Variants in COL23A1 observed in about 807,000 individuals in gnomAD.
COL23A1 encodes collagen alpha-1(XXIII) chain.
COL23A1 carries 97 observed loss-of-function variants against 99.3 expected under a neutral mutation model. That is an observed-to-expected ratio of 0.98 (90% confidence interval 0.83 to 1.16). The LOEUF (loss-of-function observed/expected upper bound fraction) is 1.16. COL23A1 is among the 50% of genes most tolerant of loss of function. The pLI is 0.00. For missense variants in COL23A1, 762 were observed against 757.4 expected (o/e 1.01, Z -0.07); for synonymous variants, 320 against 308.2 (o/e 1.04, Z -0.40).
At chr5:178,330,795 C>T (rs1759977344) in intron 2 of COL23A1, among the ~76,000 whole-genome samples, 1 of 152,232 alleles carries the variant, frequency 6.6e-6, no homozygotes, top group African/African-American at 2.4e-5. Flanking sequence ...TCTTTCACCC[C>T]AGCTGCACAA....
chr5:178,471,176 G>A (rs551608715), intron 2 of COL23A1, among the ~76,000 whole-genome samples: 1 of 152,346 alleles, frequency 6.6e-6, no homozygotes, highest in East Asian at 1.9e-4. Context: ...ACAAGGGACA[G>A]TGCAGTTCCC....
intron 2 of COL23A1, among the ~76,000 whole-genome samples, chr5:178,470,377 TG>T (rs965153037): frequency 1.3e-5 from 2 of 152,128 alleles, no homozygotes; most frequent in African/African-American, 2.4e-5. Flanking sequence ...AGCAGACCCC[TG>T]GAAACCCACC....
rs1756853505 is a variant in COL23A1 at position 178,280,741 on chromosome 5, C to G, written c.441+7583G>C. On this transcript the variant is annotated intron_variant, in intron 5 of 28. Coordinates refer to ENST00000390654, the MANE Select transcript of COL23A1 (RefSeq NM_173465.4). This position sits in a 1 kb window ranked among gnomAD's most constrained non-coding sequence, Gnocchi z 4.9. Reference sequence around the variant, plus strand: ...ACAGGCAAAACAGCAAAGCGCAGGACCAACCCCCTCTGCTGGGCCCCCTAC... The same window carrying G: ...ACAGGCAAAACAGCAAAGCGCAGGAGCAACCCCCTCTGCTGGGCCCCCTAC... Among the ~76,000 whole-genome samples the G allele has an allele frequency of 6.6e-6, 1 of 152,128 alleles. No homozygotes were observed. Among genetic ancestry groups the G allele is most frequent in the African/African-American group, 2.4e-5 (1 of 41,422 alleles).
intron 2 of COL23A1, among the ~76,000 whole-genome samples, chr5:178,511,477 T>C (rs1208763415): frequency 6.6e-6 from 1 of 152,234 alleles, no homozygotes; most frequent in Non-Finnish European, 1.5e-5. Flanking sequence ...CTCTGCAGAA[T>C]GCAATGGGAT....
At chr5:178,288,420 A>G (rs1757273630) in intron 4 of COL23A1, 70 bp from the exon 5 acceptor site, 5 of 1,356,966 alleles carry the variant, frequency 3.7e-6, no homozygotes, top group Admixed American at 3.3e-5. Flanking sequence ...TTAGAGCTCA[A>G]TCAGGGCCCA....
chr5:178,510,370 T>A (rs554765410), intron 2 of COL23A1, among the ~76,000 whole-genome samples: 5 of 152,146 alleles, frequency 3.3e-5, no homozygotes, highest in Non-Finnish European at 5.9e-5. Flanking sequence ...GGTGAAACCC[T>A]GTCTCTACTA....
chr5:178,466,098 G>A (rs1305985178), intron 2 of COL23A1, among the ~76,000 whole-genome samples: 1 of 152,096 alleles, frequency 6.6e-6, no homozygotes, highest in Non-Finnish European at 1.5e-5. Flanking sequence ...ACACACATCG[G>A]CCTCCAAGCC....
At chr5:178,452,479 T>A (rs1276435273) in intron 2 of COL23A1, among the ~76,000 whole-genome samples, 6 of 152,188 alleles carry the variant, frequency 3.9e-5, no homozygotes, top group African/African-American at 1.4e-4. Flanking sequence ...GAGAAAAGAC[T>A]GATAAAATGG....
Position 178,307,051 on chromosome 5 carries a change from TGG to T in COL23A1, c.362-134_362-133del. ...GAGTGGCCTGCCCGAGGGGGTCTGC[TGG>T]CTGTGGAGGGGGAGATGCGTGGGGA... On this transcript the variant is annotated intron_variant, in intron 2 of 28. Coordinates refer to ENST00000390654, the MANE Select transcript of COL23A1 (RefSeq NM_173465.4). The surrounding 1 kb of genome is among the most constrained non-coding windows in gnomAD (Gnocchi z 4.2). The T allele has an allele frequency of 1.7e-6, 1 of 575,938 alleles. No homozygotes were observed. The highest frequency in any genetic ancestry group is 2.9e-6 in the Non-Finnish European group (1 of 343,280). The allele number at this position is 575,938 out of a possible 1,614,324, so 35.7% of individuals were successfully genotyped here.
At chr5:178,503,448 T>C (rs1018808838) in intron 2 of COL23A1, among the ~76,000 whole-genome samples, 6 of 152,224 alleles carry the variant, frequency 3.9e-5, no homozygotes, top group African/African-American at 1.4e-4. Flanking sequence ...GGCTCCTGTA[T>C]TGCAGGCAGA....
At chr5:178,359,933 G>C (rs867241837) in intron 2 of COL23A1, among the ~76,000 whole-genome samples, 12 of 152,330 alleles carry the variant, frequency 7.9e-5, no homozygotes, top group Middle Eastern at 3.4e-3. Flanking sequence ...CTGCAGAGGA[G>C]GTCCGTGGAG....
chr5:178,515,050 T>C (rs548055107), intron 2 of COL23A1, among the ~76,000 whole-genome samples: 4 of 152,260 alleles, frequency 2.6e-5, no homozygotes, highest in Non-Finnish European at 4.4e-5. Flanking sequence ...CTCAAGAAAG[T>C]TGACGCAGGT....
intron 2 of COL23A1, among the ~76,000 whole-genome samples, chr5:178,470,595 G>A (rs561357531): frequency 2.0e-5 from 3 of 152,310 alleles, no homozygotes; most frequent in East Asian, 3.9e-4. Flanking sequence ...ACACAGAGGT[G>A]CAAGACAGGG....
intron 2 of COL23A1, among the ~76,000 whole-genome samples, chr5:178,485,446 G>A (rs565449325): frequency 6.6e-6 from 1 of 151,436 alleles, no homozygotes; most frequent in African/African-American, 2.4e-5. Flanking sequence ...CTGCACTCCA[G>A]CCTGGGTGAC....
Position 178,560,670 on chromosome 5 carries a change from A to T in COL23A1, c.361+12T>A, listed in dbSNP as rs1255973792. 3 of 1,610,356 alleles carry T rather than the reference A, an allele frequency of 1.9e-6. No homozygotes were observed. The highest frequency in any genetic ancestry group is 2.5e-6 in the Non-Finnish European group (3 of 1,178,850). On this transcript the variant is annotated intron_variant, in intron 2 of 28. Transcript: ENST00000390654. ...AACGCAGGAGCCAGAAGGGAGCTCA[A>T]CCTTCACTTACCTGGGGGGCAGACA...
chr5:178,269,591 A>AATCAATCC lies in COL23A1; in HGVS notation c.468+745_468+746insGGATTGAT, dbSNP rs1756156269. On this transcript the variant is annotated intron_variant, in intron 6 of 28. Transcript: ENST00000390654. ...CCATCCACCCACCCACTCATCCATC[A>AATCAATCC]ATCCATCCATCCATCCATCCATCCA... 3.3e-5 allele frequency among the ~76,000 whole-genome samples: 3 copies of AATCAATCC among 90,702 alleles called. No homozygotes were observed. The Admixed American group carries it at 3.6e-4, about 11-fold the overall frequency. 59.5% of individuals were successfully genotyped at this position (90,702 alleles called of 152,430 possible). A position where few individuals can be genotyped will look rare whatever the true frequency, so the allele number is the denominator to read the frequency against.
Position 178,387,350 on chromosome 5 carries a change from C to T in COL23A1, c.362-80431G>A, listed in dbSNP as rs534861059. On this transcript the variant is annotated intron_variant, in intron 2 of 28. Coordinates refer to ENST00000390654, the MANE Select transcript of COL23A1 (RefSeq NM_173465.4). This position sits in a 1 kb window ranked among gnomAD's most constrained non-coding sequence, Gnocchi z 4.7. ...ATGTCCAGCCCTGGTCAAACTGACC[C>T]GCTCACAAGTCTCTAAGACACTGCT... 2.4e-4 allele frequency among the ~76,000 whole-genome samples: 36 copies of T among 152,280 alleles called. No individual in the cohort carries two copies. Among genetic ancestry groups the T allele is most frequent in the South Asian group, 4.1e-4 (2 of 4,822 alleles).
Position 178,589,176 on chromosome 5 carries a change from C to T in COL23A1, c.294+728G>A, listed in dbSNP as rs966124616. 1.3e-5 allele frequency among the ~76,000 whole-genome samples: 2 copies of T among 152,170 alleles called. No individual in the cohort carries two copies. Among genetic ancestry groups the T allele is most frequent in the Non-Finnish European group, 2.9e-5 (2 of 68,022 alleles). On this transcript the variant is annotated intron_variant, in intron 1 of 28. Transcript: ENST00000390654. The surrounding 1 kb of genome is among the most constrained non-coding windows in gnomAD (Gnocchi z 5.4). ...TGTCACAGAGCCTCATATGAGCTTT[C>T]AAGTAAGCTGTGGAAGTCGCGATTC...
At chr5:178,465,050 T>C (rs1384203358) in intron 2 of COL23A1, among the ~76,000 whole-genome samples, 3 of 152,162 alleles carry the variant, frequency 2.0e-5, no homozygotes, top group Non-Finnish European at 1.5e-5. Flanking sequence ...GCCCTAAAAA[T>C]AGTTCACTTG....
Sources: gnomAD v4.1 joint callset for allele counts (sites outside exome capture counted in the v4.1 genomes callset) on GRCh38, gnomAD v4.1.1 for gene constraint, Gnocchi (gnomAD v3.1) non-coding constraint, MANE v1.5 for transcripts, NCBI Gene and HGNC (gene_info 2026-07-23, HGNC 2026-07-21) for gene names.